Variants in TXNL1 observed in about 807,000 individuals in gnomAD.
TXNL1 encodes the protein thioredoxin-like protein 1.
TXNL1 carries 14 observed loss-of-function variants against 35.5 expected under a neutral mutation model. The ratio of observed to expected loss-of-function variants is 0.39; its 90% CI spans 0.26 to 0.62. The LOEUF (loss-of-function observed/expected upper bound fraction) is 0.62. TXNL1 is among the 20% of genes least tolerant of loss of function. The pLI is 0.47. For missense variants in TXNL1, 263 were observed against 349.7 expected (o/e 0.75, Z 1.98); for synonymous variants, 110 against 115.5 (o/e 0.95, Z 0.31).
At position 56,624,376 on chromosome 18, in the gene TXNL1, G is replaced by C; in HGVS notation, c.281C>G (p.Ala94Gly). ...NKVRIDQYQG[A>G]DAVGLEEKIK... ...TTTTTCTTCTAATCCCACAGCATCT[G>C]CTCCTTGATATTGATCAATTCTCAC... The change falls in exon 3 of 8, where the codon GCA becomes GGA. Residue 94 changes from alanine to glycine, a missense_variant. Transcript: ENST00000217515. The C allele has an allele frequency of 6.2e-7, 1 of 1,613,736 alleles. No individual in the cohort carries two copies. The highest frequency in any genetic ancestry group is 8.5e-7 in the Non-Finnish European group (1 of 1,179,822).
intron 5 of TXNL1, 90 bp downstream of exon 5, chr18:56,616,155 A>G (rs2024083344): frequency 1.7e-6 from 2 of 1,171,552 alleles, no homozygotes; most frequent in Non-Finnish European, 2.4e-6. Flanking sequence ...AAGAAAAAAC[A>G]AGTACCTCTA....
intron 6 of TXNL1, among the ~76,000 whole-genome samples, chr18:56,612,823 T>C (rs1402354703): frequency 6.6e-6 from 1 of 152,242 alleles, no homozygotes; most frequent in Non-Finnish European, 1.5e-5. Context: ...CAATTTTCTT[T>C]GATTTCATTT....
intron 1 of TXNL1, among the ~76,000 whole-genome samples, chr18:56,626,797 C>CTGTTT (rs2024289562): frequency 1.8e-5 from 1 of 55,000 alleles, no homozygotes; most frequent in African/African-American, 6.8e-5. Flanking sequence ...CCAAGCCGGT[C>CTGTTT]TTTTTTTTTT....
intron 1 of TXNL1, among the ~76,000 whole-genome samples, chr18:56,632,007 G>A (rs1229268199): frequency 1.3e-5 from 2 of 151,050 alleles, no homozygotes; most frequent in East Asian, 3.9e-4. Flanking sequence ...AAGAAGTGAA[G>A]ATCATAAGAT....
At chr18:56,614,196 A>G (rs1033199031) in intron 6 of TXNL1, among the ~76,000 whole-genome samples, 2 of 152,196 alleles carry the variant, frequency 1.3e-5, no homozygotes, top group Non-Finnish European at 2.9e-5. Flanking sequence ...TACCATATAC[A>G]TATAAAATAA....
chr18:56,599,023 C>T lies in TXNL1; in HGVS notation c.*4004G>A, dbSNP rs1030768678. The T allele has an allele frequency of 2.6e-5, 4 of 152,210 alleles. 1 individual carries two copies. Among genetic ancestry groups the T allele is most frequent in the Non-Finnish European group, 5.9e-5 (4 of 68,036 alleles). The allele number at this position is 152,210 out of a possible 1,614,324, so 9.4% of individuals were successfully genotyped here. A position where few individuals can be genotyped will look rare whatever the true frequency, so the allele number is the denominator to read the frequency against. ...GAAATAATTCCAAAATAAAATTCCT[C>T]TTCCCATAGAGAAGCATAGCAAGCA... On this transcript the variant is annotated 3_prime_UTR_variant, in exon 8 of 8. Coordinates refer to ENST00000217515, the MANE Select transcript of TXNL1 (RefSeq NM_004786.3).
At position 56,597,760 on chromosome 18, in the gene TXNL1, A is replaced by G. The variant is rs1374203326; in HGVS notation, c.*5267T>C. The G allele has an allele frequency of 6.6e-6, 1 of 152,186 alleles. No individual in the cohort carries two copies. The highest frequency in any genetic ancestry group is 1.5e-5 in the Non-Finnish European group (1 of 68,026). The allele number at this position is 152,186 out of a possible 1,614,324, so 9.4% of individuals were successfully genotyped here. A position where few individuals can be genotyped will look rare whatever the true frequency, so the allele number is the denominator to read the frequency against. On this transcript the variant is annotated 3_prime_UTR_variant, in exon 8 of 8. Transcript: ENST00000217515. Reference sequence around the variant, plus strand: ...TTCCTTGCTTCTAGCTCTAAGCTCTAAAATCACATTCCTGGCTTTTTACTT... The same window carrying G: ...TTCCTTGCTTCTAGCTCTAAGCTCTGAAATCACATTCCTGGCTTTTTACTT...
chr18:56,634,835 T>C (rs960996114), intron 1 of TXNL1, among the ~76,000 whole-genome samples: 2 of 152,130 alleles, frequency 1.3e-5, no homozygotes, highest in Non-Finnish European at 2.9e-5. Context: ...TTAAAACTCA[T>C]GCATCAAAGG....
chr18:56,633,714 G>T (rs1302689879), intron 1 of TXNL1, among the ~76,000 whole-genome samples: 1 of 151,666 alleles, frequency 6.6e-6, no homozygotes, highest in Non-Finnish European at 1.5e-5. Flanking sequence ...GGCTGGGTGT[G>T]GTGGCTCACA....
At chr18:56,626,984 T>G (rs2024296051) in intron 1 of TXNL1, among the ~76,000 whole-genome samples, 1 of 150,804 alleles carries the variant, frequency 6.6e-6, no homozygotes, top group African/African-American at 2.4e-5. Flanking sequence ...AGCTACATTT[T>G]TTTTTTTTTT....
intron 2 of TXNL1, 22 bp downstream of exon 2, chr18:56,626,338 GA>G (rs747343236): frequency 6.3e-7 from 1 of 1,578,260 alleles, no homozygotes; most frequent in African/African-American, 1.4e-5. Flanking sequence ...AAATTAAAAA[GA>G]AAAAAGATTC....
chr18:56,609,842 T>C (rs2023962576), intron 7 of TXNL1: 1 of 152,218 alleles, frequency 6.6e-6, no homozygotes, highest in African/African-American at 2.4e-5. Context: ...CTAAAGTGCA[T>C]AATTATTCCT....
chr18:56,633,551 C>T (rs892937811), intron 1 of TXNL1, among the ~76,000 whole-genome samples: 1 of 142,844 alleles, frequency 7.0e-6, no homozygotes, highest in Non-Finnish European at 1.5e-5. Context: ...CCCAGGAGGT[C>T]GAGGCTGCAA....
chr18:56,612,634 A>G (rs2024015890), intron 6 of TXNL1, among the ~76,000 whole-genome samples: 1 of 152,028 alleles, frequency 6.6e-6, no homozygotes, highest in Non-Finnish European at 1.5e-5. Context: ...TAAGCCTCCC[A>G]AGTAGCTGGG....
intron 1 of TXNL1, among the ~76,000 whole-genome samples, chr18:56,627,914 AC>A (rs1429256985): frequency 1.3e-5 from 2 of 152,054 alleles, no homozygotes; most frequent in Non-Finnish European, 2.9e-5. Context: ...GAAGATTAAA[AC>A]CTTTTATTCA....
chr18:56,624,100 AAC>A (rs1010817816), intron 3 of TXNL1, among the ~76,000 whole-genome samples, 186 bp downstream of exon 3: 38 of 152,298 alleles, frequency 2.5e-4, no homozygotes, highest in African/African-American at 8.7e-4. Flanking sequence ...ATAGAGGCTT[AAC>A]ACACACACAA....
Position 56,598,360 on chromosome 18 carries a change from T to A in TXNL1, c.*4667A>T, listed in dbSNP as rs1286912015. ...CGGATGAAATAATGGCAAGGTGTCA[T>A]AGCAGCTGAGGAGGCGTGCACAATT... On this transcript the variant is annotated 3_prime_UTR_variant, in exon 8 of 8. Transcript: ENST00000217515. 1 of 152,200 alleles carries A rather than the reference T, an allele frequency of 6.6e-6. No individual in the cohort carries two copies. Among genetic ancestry groups the A allele is most frequent in the East Asian group, 1.9e-4 (1 of 5,198 alleles). 9.4% of individuals were successfully genotyped at this position (152,200 alleles called of 1,614,324 possible).
intron 2 of TXNL1, among the ~76,000 whole-genome samples, chr18:56,624,745 C>T (rs2024247784): frequency 6.6e-6 from 1 of 152,118 alleles, no homozygotes. Flanking sequence ...AATGCAGAAA[C>T]TGTGCTTAAT....
At chr18:56,614,403 T>C (rs766196690) in intron 6 of TXNL1, 21 bp downstream of exon 6, 1 of 1,604,106 alleles carries the variant, frequency 6.2e-7, no homozygotes, top group South Asian at 1.1e-5. Context: ...ATTAAATACA[T>C]ATGAACGAAA....
Sources: allele counts gnomAD v4.1 joint callset (sites outside exome capture counted in the v4.1 genomes callset), GRCh38; gene constraint gnomAD v4.1.1; transcripts MANE v1.5; gene names NCBI Gene and HGNC (gene_info 2026-07-23, HGNC 2026-07-21).